Variants in BCL2L11 observed in about 807,000 individuals in gnomAD.
BCL2L11 encodes bcl-2-like protein 11.
Under a neutral mutation model 20.6 loss-of-function variants are expected in BCL2L11, and 15 were observed. The ratio of observed to expected loss-of-function variants is 0.73; its 90% CI spans 0.49 to 1.12. The LOEUF is 1.12. Among genes scored for constraint, BCL2L11 ranks in the 50% most tolerant of loss-of-function variants. The probability of loss-of-function intolerance (pLI) is 0.00; values close to 1 mark genes in which losing one functional copy is unlikely to be tolerated. For synonymous variants in BCL2L11, 108 were observed against 92.8 expected, an observed-to-expected ratio of 1.16 and a Z score of -0.94; for missense variants, 292 against 260.9, an observed-to-expected ratio of 1.12 and a Z score of -0.82.
At chr2:111,128,360 TG>T (rs1186201539) in intron 2 of BCL2L11, among the ~76,000 whole-genome samples, 1 of 152,192 alleles carries the variant, frequency 6.6e-6, no homozygotes, top group Admixed American at 6.5e-5. Context: ...ATACTTGGGT[TG>T]CTTCCACTTT....
chr2:111,134,522 A>G (rs1185004390), intron 2 of BCL2L11, among the ~76,000 whole-genome samples: 2 of 152,188 alleles, frequency 1.3e-5, no homozygotes, highest in African/African-American at 2.4e-5. Context: ...GCACTGAATG[A>G]GTTGGTATTG....
At chr2:111,133,377 C>G (rs1254604183) in intron 2 of BCL2L11, among the ~76,000 whole-genome samples, 7 of 152,206 alleles carry the variant, frequency 4.6e-5, no homozygotes, top group African/African-American at 1.4e-4. Context: ...TAGAAATTTC[C>G]TTTCCACCAC....
chr2:111,141,476 G>C (rs1240977056), intron 2 of BCL2L11, among the ~76,000 whole-genome samples: 2 of 139,522 alleles, frequency 1.4e-5, no homozygotes, highest in Admixed American at 1.6e-4. Context: ...AGATCACATG[G>C]ACACAGGAAG....
At position 111,123,841 on chromosome 2, in the gene BCL2L11, C is replaced by CCCTA; in HGVS notation, c.100_103dup (p.Ser35TyrfsTer10). ...GGCCTCCCCAGCTCAGACCTGGGGC[C>CCCTA]CCTACCTCCCTACAGACAGAGCCAC... On this transcript the variant is annotated frameshift_variant, in exon 2 of 4. Transcript: ENST00000393256. LOFTEE classifies it high-confidence loss of function. 6.4e-7 allele frequency: 1 copy of CCCTA among 1,564,344 alleles called. No individual in the cohort carries two copies. The highest frequency in any genetic ancestry group is 1.2e-5 in the South Asian group (1 of 82,626).
Position 111,136,211 on chromosome 2 carries a change from C to T in BCL2L11, c.394+12072C>T, listed in dbSNP as rs552064478. Among the ~76,000 whole-genome samples the T allele has an allele frequency of 2.0e-5, 3 of 152,302 alleles. No homozygotes were observed. The East Asian group carries it at 5.8e-4, about 29-fold the overall frequency. ...AACAGGCCTCCCATGGAGCTGTTAT[C>T]TACGCCTCTTGGAAAGGCCCAGTTG... On this transcript the variant is annotated intron_variant, in intron 2 of 3. Coordinates refer to ENST00000393256, the MANE Select transcript of BCL2L11 (RefSeq NM_138621.5).
intron 2 of BCL2L11, among the ~76,000 whole-genome samples, chr2:111,140,766 C>A (rs980365839): frequency 3.9e-5 from 6 of 152,192 alleles, no homozygotes; most frequent in Non-Finnish European, 1.5e-5. Context: ...ATAAATTCTA[C>A]TAAATTAGTC....
At chr2:111,151,999 G>A (rs952399678) in intron 3 of BCL2L11, 3 of 973,802 alleles carry the variant, frequency 3.1e-6, no homozygotes, top group African/African-American at 3.2e-5. Flanking sequence ...GTGTTCCTGT[G>A]TGTGACTGGA....
At chr2:111,123,707 A>G (rs2071793969) in intron 1 of BCL2L11, 26 bp from the exon 2 acceptor site, 1 of 1,387,154 alleles carries the variant, frequency 7.2e-7, no homozygotes, top group Non-Finnish European at 9.4e-7. Flanking sequence ...TGCTTAAAAT[A>G]ATCTTAGTTT....
chr2:111,148,574 G>T (rs1177451549), intron 2 of BCL2L11, among the ~76,000 whole-genome samples: 1 of 152,194 alleles, frequency 6.6e-6, no homozygotes, highest in African/African-American at 2.4e-5. Flanking sequence ...TGTATGATTG[G>T]ATGTATTCAG....
In BCL2L11 at chr2:111,123,628, T is replaced by G. The variant is rs544470234; in HGVS notation, c.-13-105T>G. ...TCAGAAAAGTATAGAACAAAGTATT[T>G]GGGATTAACCCTAAGAATTTTTAAT... On this transcript the variant is annotated intron_variant, in intron 1 of 3. Coordinates refer to ENST00000393256, the MANE Select transcript of BCL2L11 (RefSeq NM_138621.5). 322 of 1,238,270 alleles carry G rather than the reference T, an allele frequency of 2.6e-4. 1 individual carries two copies. The highest frequency in any genetic ancestry group is 6.1e-5 in the Non-Finnish European group (59 of 966,276). The allele number at this position is 1,238,270 out of a possible 1,614,324, so 76.7% of individuals were successfully genotyped here.
At chr2:111,129,115 A>C (rs1338066078) in intron 2 of BCL2L11, among the ~76,000 whole-genome samples, 1 of 152,264 alleles carries the variant, frequency 6.6e-6, no homozygotes, top group African/African-American at 2.4e-5. Flanking sequence ...GAGCATTGTA[A>C]ACAGCGGCAT....
In BCL2L11 at chr2:111,166,406, A is replaced by G. The variant is rs1217869727; in HGVS notation, c.*2175A>G. 6.5e-6 allele frequency: 1 copy of G among 152,736 alleles called. No homozygotes were observed. The highest frequency in any genetic ancestry group is 1.5e-5 in the Non-Finnish European group (1 of 68,082). 9.5% of individuals were successfully genotyped at this position (152,736 alleles called of 1,614,324 possible). A position where few individuals can be genotyped will look rare whatever the true frequency, so the allele number is the denominator to read the frequency against. On this transcript the variant is annotated 3_prime_UTR_variant, in exon 4 of 4. Coordinates refer to ENST00000393256, the MANE Select transcript of BCL2L11 (RefSeq NM_138621.5). ...GGCTGTGGAAACAGTTCCTGAGGAA[A>G]TTAGAGATTCTATGAATTGTAGGAG...
At chr2:111,130,515 A>G (rs568917738) in intron 2 of BCL2L11, among the ~76,000 whole-genome samples, 1 of 152,360 alleles carries the variant, frequency 6.6e-6, no homozygotes, top group South Asian at 2.1e-4. Context: ...AGAGTTTTTC[A>G]TAGATTTCCT....
intron 2 of BCL2L11, among the ~76,000 whole-genome samples, chr2:111,147,654 G>A (rs2076739054): frequency 6.6e-6 from 1 of 152,192 alleles, no homozygotes. Flanking sequence ...GACAGAGACT[G>A]CCCCTTGATA....
At chr2:111,160,547 G>C (rs929952778) in intron 3 of BCL2L11, among the ~76,000 whole-genome samples, 2 of 152,158 alleles carry the variant, frequency 1.3e-5, no homozygotes, top group Non-Finnish European at 2.9e-5. Context: ...ACATGGGATG[G>C]CCACAAAAGG....
At chr2:111,147,342 TCTCTCACACACACACA>T (rs2076663642) in intron 2 of BCL2L11, among the ~76,000 whole-genome samples, 1 of 133,558 alleles carries the variant, frequency 7.5e-6, no homozygotes, top group African/African-American at 2.9e-5. Context: ...TCTCTCTCTC[TCTCTCACACACACACA>T]CACACACACA....
At chr2:111,147,716 T>G (rs888789989) in intron 2 of BCL2L11, among the ~76,000 whole-genome samples, 1 of 152,244 alleles carries the variant, frequency 6.6e-6, no homozygotes, top group Non-Finnish European at 1.5e-5. Context: ...ATGTGGAAGC[T>G]TCTAAACCAC....
intron 1 of BCL2L11, among the ~76,000 whole-genome samples, chr2:111,122,357 C>T (rs1007239500): frequency 2.0e-5 from 3 of 152,178 alleles, no homozygotes; most frequent in East Asian, 1.9e-4. Flanking sequence ...CCGGAAGGAG[C>T]ACAGGGATGG....
chr2:111,123,171 C>A lies in BCL2L11; in HGVS notation c.-13-562C>A, dbSNP rs985071763. 38 of 985,450 alleles carry A rather than the reference C, an allele frequency of 3.9e-5. No homozygotes were observed. In the African/African-American group the frequency reaches 6.3e-4, roughly 16 times the overall value. The allele number at this position is 985,450 out of a possible 1,614,324, so 61.0% of individuals were successfully genotyped here. A position where few individuals can be genotyped will look rare whatever the true frequency, so the allele number is the denominator to read the frequency against. On this transcript the variant is annotated intron_variant, in intron 1 of 3. Coordinates refer to ENST00000393256, the MANE Select transcript of BCL2L11 (RefSeq NM_138621.5). ...GGAGGGAGCACGGGCGGAGAGAGCG[C>A]CAGAGCCGGGCCGAGCCGCGCTGGA...
Sources: gnomAD v4.1 joint callset for allele counts (sites outside exome capture counted in the v4.1 genomes callset) on GRCh38, gnomAD v4.1.1 for gene constraint, MANE v1.5 for transcripts, NCBI Gene and HGNC (gene_info 2026-07-23, HGNC 2026-07-21) for gene names.